The following RPAP2 variants were observed in gnomAD, a reference collection of about 807,000 sequenced individuals.
RPAP2 encodes the protein putative RNA polymerase II subunit B1 CTD phosphatase RPAP2.
A neutral mutation model predicts 73.1 loss-of-function variants in RPAP2; 52 were observed. The observed-to-expected ratio is 0.71, with a 90% CI of 0.57 to 0.90. RPAP2 has a LOEUF of 0.90. Among genes scored for constraint, RPAP2 ranks in the 40% least tolerant of loss-of-function variants. RPAP2 has a pLI of 0.00. For missense variants in RPAP2, 598 were observed against 701.8 expected, an observed-to-expected ratio of 0.85 and a Z score of 1.67; for synonymous variants, 225 against 242.1, an observed-to-expected ratio of 0.93 and a Z score of 0.65.
At chr1:92,367,574 G>C (rs1654981323) in intron 11 of RPAP2, among the ~76,000 whole-genome samples, 2 of 152,198 alleles carry the variant, frequency 1.3e-5, no homozygotes, top group African/African-American at 4.8e-5. Context: ...TCTTTTAGCA[G>C]TCTTTACATC....
intron 2 of RPAP2, among the ~76,000 whole-genome samples, chr1:92,301,071 C>A (rs766861042): frequency 1.4e-4 from 22 of 152,298 alleles, no homozygotes; most frequent in African/African-American, 5.1e-4. Flanking sequence ...TATGCTGAGA[C>A]CTGCGTGCTA....
At chr1:92,379,564 G>GA (rs1257676380) in intron 11 of RPAP2, among the ~76,000 whole-genome samples, 1 of 152,152 alleles carries the variant, frequency 6.6e-6, no homozygotes, top group Non-Finnish European at 1.5e-5. Context: ...AATGATTAGA[G>GA]AAAAAAGCGT....
rs113471565 is a variant in RPAP2, at chr1:92,380,654, T to C, written c.1689-70T>C. The C allele has an allele frequency of 4.6e-6, 5 of 1,078,596 alleles. No homozygotes were observed. In the African/African-American group the frequency reaches 4.9e-5, roughly 11 times the overall value. 66.8% of individuals were successfully genotyped at this position (1,078,596 alleles called of 1,614,324 possible). A position where few individuals can be genotyped will look rare whatever the true frequency, so the allele number is the denominator to read the frequency against. ...TATTCTCATAAAATTTTCTCTGCCA[T>C]GTTGAAGATAGGAGTCCCTTTGCCC... On this transcript the variant is annotated intron_variant, in intron 11 of 12. Coordinates refer to ENST00000610020, the MANE Select transcript of RPAP2 (RefSeq NM_024813.3).
intron 11 of RPAP2, among the ~76,000 whole-genome samples, chr1:92,367,575 T>G (rs907261954): frequency 6.6e-6 from 1 of 152,218 alleles, no homozygotes; most frequent in Non-Finnish European, 1.5e-5. Context: ...CTTTTAGCAG[T>G]CTTTACATCT....
chr1:92,358,898 A>C (rs555564805), intron 11 of RPAP2, among the ~76,000 whole-genome samples: 283 of 152,186 alleles, frequency 1.9e-3, no homozygotes, highest in African/African-American at 6.4e-3. Context: ...ATTCATCTTT[A>C]AATTTAAAAA....
Position 92,393,750 on chromosome 1 carries a change from AGAAAT to A in RPAP2, c.*6744_*6748del. The A allele has an allele frequency of 6.6e-6, 1 of 152,332 alleles. No individual in the cohort carries two copies. The highest frequency in any genetic ancestry group is 1.9e-4 in the East Asian group (1 of 5,196). 9.4% of individuals were successfully genotyped at this position (152,332 alleles called of 1,614,324 possible). A position where few individuals can be genotyped will look rare whatever the true frequency, so the allele number is the denominator to read the frequency against. On this transcript the variant is annotated 3_prime_UTR_variant, in exon 13 of 13. Transcript: ENST00000610020. The stretch of plus-strand genomic sequence containing the variant: ...AATGCTCATCATCACTAGTCATTAG[AGAAAT>A]GAAAATCAAAACCACAGTGAGATAC...
chr1:92,388,712 A>T lies in RPAP2; in HGVS notation c.*1701A>T, dbSNP rs1395099362. ...GTCTTCGCAACTGGCAGACCACGAA[A>T]TCCCCTCCCATGCCTGGTTCAGTGG... On this transcript the variant is annotated 3_prime_UTR_variant, in exon 13 of 13. Coordinates refer to ENST00000610020, the MANE Select transcript of RPAP2 (RefSeq NM_024813.3). 1 of 152,274 alleles carries T rather than the reference A, an allele frequency of 6.6e-6. No individual in the cohort carries two copies. The highest frequency in any genetic ancestry group is 1.5e-5 in the Non-Finnish European group (1 of 68,148). 9.4% of individuals were successfully genotyped at this position (152,274 alleles called of 1,614,324 possible).
At chr1:92,350,349 A>G (rs1349468903) in intron 11 of RPAP2, among the ~76,000 whole-genome samples, 1 of 152,236 alleles carries the variant, frequency 6.6e-6, no homozygotes, top group African/African-American at 2.4e-5. Context: ...CAGAACATAT[A>G]TAACAGTGAT....
rs562839906 is a variant in RPAP2, at chr1:92,368,664, G to A, written c.1689-12060G>A. On this transcript the variant is annotated intron_variant, in intron 11 of 12. Transcript: ENST00000610020. Reference sequence around the variant, plus strand: ...ATCTCTCTCTTGATTCAGTTATCTTGCCCAAACTTGGAAACTCTTCTTACT... The same window carrying A: ...ATCTCTCTCTTGATTCAGTTATCTTACCCAAACTTGGAAACTCTTCTTACT... Among the ~76,000 whole-genome samples, 38 of 152,208 alleles carry A rather than the reference G, an allele frequency of 2.5e-4. 1 individual carries two copies. The highest frequency in any genetic ancestry group is 1.4e-3 in the Admixed American group (21 of 15,290).
At chr1:92,308,828 C>T (rs1426311024) in intron 6 of RPAP2, among the ~76,000 whole-genome samples, 6 of 152,102 alleles carry the variant, frequency 3.9e-5, no homozygotes, top group East Asian at 1.9e-4. Flanking sequence ...GGTATGGTGG[C>T]GGGCACCTGT....
intron 11 of RPAP2, among the ~76,000 whole-genome samples, chr1:92,346,401 AGAG>A: frequency 6.6e-6 from 1 of 152,072 alleles, no homozygotes; most frequent in Non-Finnish European, 1.5e-5. Context: ...TGGACTCAAG[AGAG>A]CCACCTGCCT....
chr1:92,311,699 G>T (rs1437023411), intron 6 of RPAP2, among the ~76,000 whole-genome samples: 4 of 152,148 alleles, frequency 2.6e-5, no homozygotes, highest in Non-Finnish European at 4.4e-5. Context: ...GATATTGCAG[G>T]TTTGGTTCCA....
intron 7 of RPAP2, among the ~76,000 whole-genome samples, chr1:92,321,944 C>CTTTTTT (rs529045202): frequency 9.4e-6 from 1 of 106,082 alleles, no homozygotes; most frequent in Admixed American, 9.6e-5. Flanking sequence ...AATTTTCTTT[C>CTTTTTT]TTTTTTTTTT....
intron 11 of RPAP2, 29 bp from the exon 12 acceptor site, chr1:92,380,695 T>C: frequency 6.6e-7 from 1 of 1,515,452 alleles, no homozygotes; most frequent in Non-Finnish European, 8.8e-7. Flanking sequence ...ATTTCATGGA[T>C]ATGCATTTAG....
At chr1:92,299,325 G>A (rs1165889842) in intron 1 of RPAP2, among the ~76,000 whole-genome samples, 179 bp downstream of exon 1, 2 of 152,170 alleles carry the variant, frequency 1.3e-5, no homozygotes, top group Non-Finnish European at 2.9e-5. Context: ...TTTCCTGGCC[G>A]CCCCTCACCC....
intron 8 of RPAP2, among the ~76,000 whole-genome samples, chr1:92,325,172 C>T (rs1265322706): frequency 6.6e-6 from 1 of 152,052 alleles, no homozygotes; most frequent in African/African-American, 2.4e-5. Flanking sequence ...GATGTATACT[C>T]CCTGGAAAAT....
rs945524025 is a variant in RPAP2 at position 92,400,505 on chromosome 1, AT to A, written c.*13500del. On this transcript the variant is annotated 3_prime_UTR_variant, in exon 13 of 13. Transcript: ENST00000610020. ...CAGCTAATATTTTTTTTAATTTTATATTTTTTAGAGACAGGGTGTCACTATG... is the reference window on the plus strand; with the variant it reads ...CAGCTAATATTTTTTTTAATTTTATATTTTTAGAGACAGGGTGTCACTATG... The A allele has an allele frequency of 6.6e-6, 1 of 151,948 alleles. No individual in the cohort carries two copies. The highest frequency in any genetic ancestry group is 1.5e-5 in the Non-Finnish European group (1 of 67,994). The allele number at this position is 151,948 out of a possible 1,614,324, so 9.4% of individuals were successfully genotyped here. A position where few individuals can be genotyped will look rare whatever the true frequency, so the allele number is the denominator to read the frequency against.
intron 1 of RPAP2, 80 bp downstream of exon 1, chr1:92,299,226 C>A: frequency 3.4e-6 from 3 of 893,008 alleles, no homozygotes; most frequent in African/African-American, 1.7e-5. Flanking sequence ...AGCGCGCGGG[C>A]GCTCCTGAAA....
chr1:92,316,164 T>C (rs571264624), intron 6 of RPAP2, among the ~76,000 whole-genome samples: 27 of 152,054 alleles, frequency 1.8e-4, no homozygotes, highest in African/African-American at 6.3e-4. Context: ...GAAATTGGGG[T>C]GAATGGTTAA....
Sources: gnomAD v4.1 joint callset for allele counts (sites outside exome capture counted in the v4.1 genomes callset) on GRCh38, gnomAD v4.1.1 for gene constraint, MANE v1.5 for transcripts, NCBI Gene and HGNC (gene_info 2026-07-23, HGNC 2026-07-21) for gene names.